Variants in KIRREL3 observed in about 807,000 individuals in gnomAD.
KIRREL3 encodes the protein kin of IRRE-like protein 3.
In KIRREL3, 36 loss-of-function variants were observed where a neutral mutation model predicts 89.7. The observed-to-expected ratio is 0.40, with a 90% confidence interval of 0.31 to 0.53. The LOEUF (loss-of-function observed/expected upper bound fraction) is 0.53, where lower values mean the gene tolerates loss of function less well. Ranked by LOEUF, KIRREL3 falls within the 20% of genes least tolerant of loss-of-function variation. The pLI is 0.49. For synonymous variants in KIRREL3, 445 were observed against 441.4 expected (o/e 1.01, Z -0.10); for missense variants, 864 against 1,056.6 (o/e 0.82, Z 2.53).
intron 6 of KIRREL3, among the ~76,000 whole-genome samples, chr11:126,458,138 A>G (rs1358099177): frequency 6.6e-6 from 1 of 152,196 alleles, no homozygotes; most frequent in Non-Finnish European, 1.5e-5. Flanking sequence ...CCAGGACCTC[A>G]TCCCCATGGA....
chr11:126,638,825 A>G (rs12271636), intron 1 of KIRREL3, among the ~76,000 whole-genome samples: 3,580 of 152,216 alleles, frequency 0.024, 40 homozygotes, highest in Middle Eastern at 0.088. Context: ...TAGTCTTCAA[A>G]AGCCGGCTAA....
In KIRREL3 at chr11:126,625,343, C is replaced by T. The variant is rs147227116; in HGVS notation, c.56-62431G>A. Among the ~76,000 whole-genome samples the T allele has an allele frequency of 5.6e-4, 85 of 152,264 alleles. 1 individual carries two copies. Among genetic ancestry groups the T allele is most frequent in the African/African-American group, 1.9e-3 (79 of 41,536 alleles). ...TCTGGAAATCATTTGAGTATATGGCCTGAAACAAGCGACATTTTCTTCCAA... is the reference window on the plus strand; with the variant it reads ...TCTGGAAATCATTTGAGTATATGGCTTGAAACAAGCGACATTTTCTTCCAA... On this transcript the variant is annotated intron_variant, in intron 1 of 16. Transcript: ENST00000525144.
At chr11:126,751,005 G>A (rs11220598) in intron 1 of KIRREL3, among the ~76,000 whole-genome samples, 25,535 of 152,198 alleles carry the variant, frequency 0.17, 2,211 homozygotes, top group African/African-American at 0.18. Context: ...CCATATGGAT[G>A]TGTACACATG....
rs537498970 is a variant in KIRREL3 at position 126,620,336 on chromosome 11, C to G, written c.56-57424G>C. On this transcript the variant is annotated intron_variant, in intron 1 of 16. Transcript: ENST00000525144. The surrounding 1 kb of genome is among the most constrained non-coding windows in gnomAD (Gnocchi z 4.8). ...AGCAAATCTCTTGCTTGTCCATGTC[C>G]TTATTAACATGTGGCATCCAGTACC... Among the ~76,000 whole-genome samples, 1 of 152,278 alleles carries G rather than the reference C, an allele frequency of 6.6e-6. No individual in the cohort carries two copies. Among genetic ancestry groups the G allele is most frequent in the South Asian group, 2.1e-4 (1 of 4,828 alleles).
intron 1 of KIRREL3, among the ~76,000 whole-genome samples, chr11:126,822,935 G>C (rs568929007): frequency 1.3e-5 from 2 of 152,278 alleles, no homozygotes; most frequent in East Asian, 3.9e-4. Flanking sequence ...AAGCAGTCAG[G>C]TATACCATAT....
chr11:126,604,695 G>T (rs1395393911), intron 1 of KIRREL3, among the ~76,000 whole-genome samples: 1 of 152,204 alleles, frequency 6.6e-6, no homozygotes, highest in Non-Finnish European at 1.5e-5. Context: ...CACACAGCAG[G>T]GGGTCTGAGG....
intron 1 of KIRREL3, among the ~76,000 whole-genome samples, chr11:126,849,776 C>A (rs1944280638): frequency 6.6e-6 from 1 of 152,114 alleles, no homozygotes; most frequent in Non-Finnish European, 1.5e-5. Context: ...ACCCAGGAGT[C>A]ACAGGTGCGG....
chr11:126,709,948 C>T lies in KIRREL3; in HGVS notation c.56-147036G>A, dbSNP rs913717936. 5.9e-5 allele frequency among the ~76,000 whole-genome samples: 9 copies of T among 152,156 alleles called. No homozygotes were observed. In the South Asian group the frequency reaches 6.2e-4, roughly 11 times the overall value. On this transcript the variant is annotated intron_variant, in intron 1 of 16. Coordinates refer to ENST00000525144, the MANE Select transcript of KIRREL3 (RefSeq NM_032531.4). This position sits in a 1 kb window ranked among gnomAD's most constrained non-coding sequence, Gnocchi z 4.0. ...CTTCTATACAGCAAGCACCAGGCTACGCTGTGAACATTCTGCATTCATTAT... is the reference window on the plus strand; with the variant it reads ...CTTCTATACAGCAAGCACCAGGCTATGCTGTGAACATTCTGCATTCATTAT...
intron 1 of KIRREL3, among the ~76,000 whole-genome samples, chr11:126,831,534 T>A (rs976708310): frequency 1.3e-5 from 2 of 152,050 alleles, no homozygotes; most frequent in Non-Finnish European, 2.9e-5. Flanking sequence ...TTTGAACCAC[T>A]TTCTTCAAGC....
At chr11:126,712,071 C>T (rs1947779736) in intron 1 of KIRREL3, among the ~76,000 whole-genome samples, 1 of 152,242 alleles carries the variant, frequency 6.6e-6, no homozygotes. Flanking sequence ...CCCAGTGGTC[C>T]TCTTCCGACA....
rs1939165703 is a variant in KIRREL3 at position 126,550,449 on chromosome 11, C to G, written c.133+12386G>C. On this transcript the variant is annotated intron_variant, in intron 2 of 16. Coordinates refer to ENST00000525144, the MANE Select transcript of KIRREL3 (RefSeq NM_032531.4). The surrounding 1 kb of genome is among the most constrained non-coding windows in gnomAD (Gnocchi z 4.9). ...ATCACCCGAGGTCAGGAGTTTGAGA[C>G]CAGCCTGCCCAACATGGCGAAACCC... 6.6e-6 allele frequency: 1 copy of G among 152,160 alleles called. No individual in the cohort carries two copies. The highest frequency in any genetic ancestry group is 1.5e-5 in the Non-Finnish European group (1 of 68,056). The allele number at this position is 152,160 out of a possible 1,614,324, so 9.4% of individuals were successfully genotyped here.
Position 126,664,617 on chromosome 11 carries a change from T to C in KIRREL3, c.56-101705A>G, listed in dbSNP as rs964374060. Among the ~76,000 whole-genome samples the C allele has an allele frequency of 1.3e-5, 2 of 152,186 alleles. No individual in the cohort carries two copies. Among genetic ancestry groups the C allele is most frequent in the East Asian group, 1.9e-4 (1 of 5,186 alleles). ...AGCAGAGCTGCCCAGAGGATCACCA[T>C]TGTTACCAGCTCCGATGTGCCCTTC... On this transcript the variant is annotated intron_variant, in intron 1 of 16. Coordinates refer to ENST00000525144, the MANE Select transcript of KIRREL3 (RefSeq NM_032531.4). The surrounding 1 kb of genome is among the most constrained non-coding windows in gnomAD (Gnocchi z 5.4).
At chr11:126,450,942 C>T (rs1415999327) in intron 7 of KIRREL3, among the ~76,000 whole-genome samples, 8 of 114,822 alleles carry the variant, frequency 7.0e-5, no homozygotes, top group Non-Finnish European at 1.1e-4. Context: ...TGTGTGTGGG[C>T]GTGTGTGCAT....
intron 1 of KIRREL3, among the ~76,000 whole-genome samples, chr11:126,673,694 G>C (rs1351679698): frequency 2.0e-5 from 3 of 152,218 alleles, no homozygotes; most frequent in African/African-American, 7.2e-5. Flanking sequence ...GCAGGACAGG[G>C]AGGAGTGTGG....
intron 9 of KIRREL3, among the ~76,000 whole-genome samples, 157 bp downstream of exon 9, chr11:126,446,602 T>C (rs1955823546): frequency 6.6e-6 from 1 of 152,162 alleles, no homozygotes; most frequent in Admixed American, 6.5e-5. Flanking sequence ...GGTGCCTGGG[T>C]TCCCCCTCCT....
chr11:126,536,158 T>C (rs1937851173), intron 2 of KIRREL3, among the ~76,000 whole-genome samples: 1 of 152,180 alleles, frequency 6.6e-6, no homozygotes, highest in Non-Finnish European at 1.5e-5. Flanking sequence ...TTTTACAGAA[T>C]GTTGGAAAGC....
Position 126,805,916 on chromosome 11 carries a change from C to T in KIRREL3, c.55+194539G>A, listed in dbSNP as rs144462265. 8.7e-3 allele frequency among the ~76,000 whole-genome samples: 1,320 copies of T among 152,304 alleles called. 7 individuals carry two copies. The highest frequency in any genetic ancestry group is 0.051 in the Middle Eastern group (15 of 294). ...GGTGCCGTGCCATCCCCTCCACCTT[C>T]TCCGTGCGGCCTCTCCCTTGGCTGT... On this transcript the variant is annotated intron_variant, in intron 1 of 16. Coordinates refer to ENST00000525144, the MANE Select transcript of KIRREL3 (RefSeq NM_032531.4). This position sits in a 1 kb window ranked among gnomAD's most constrained non-coding sequence, Gnocchi z 4.3.
chr11:126,921,516 T>A (rs1947289502), intron 1 of KIRREL3, among the ~76,000 whole-genome samples: 1 of 151,062 alleles, frequency 6.6e-6, no homozygotes, highest in South Asian at 2.1e-4. Flanking sequence ...CTGTAATCTA[T>A]CTATCTGTCT....
Position 126,981,134 on chromosome 11 carries a change from C to G in KIRREL3, c.55+19321G>C, listed in dbSNP as rs748364160. On this transcript the variant is annotated intron_variant, in intron 1 of 16. Transcript: ENST00000525144. This position sits in a 1 kb window ranked among gnomAD's most constrained non-coding sequence, Gnocchi z 4.2. ...GATGCTGAGTTCTAGATATTTGAAG[C>G]CTAATACCACAAACGTACCTCTCTG... Among the ~76,000 whole-genome samples, 3 of 152,176 alleles carry G rather than the reference C, an allele frequency of 2.0e-5. No individual in the cohort carries two copies. Among genetic ancestry groups the G allele is most frequent in the Admixed American group, 2.0e-4 (3 of 15,282 alleles).
Sources: gnomAD v4.1 joint callset for allele counts (sites outside exome capture counted in the v4.1 genomes callset) on GRCh38, gnomAD v4.1.1 for gene constraint, Gnocchi (gnomAD v3.1) non-coding constraint, MANE v1.5 for transcripts, NCBI Gene and HGNC (gene_info 2026-07-23, HGNC 2026-07-21) for gene names.